The following ZNF146 variants were observed in gnomAD, a reference collection of about 807,000 sequenced individuals.
The protein encoded by ZNF146 is zinc finger protein OZF.
ZNF146 carries 9 observed loss-of-function variants against 22.2 expected under a neutral mutation model. The ratio of observed to expected loss-of-function variants is 0.41; its 90% confidence interval spans 0.24 to 0.71. ZNF146 has a LOEUF of 0.71. ZNF146 is among the 30% of genes least tolerant of loss of function. The pLI is 0.34. For missense variants in ZNF146, 194 were observed against 344.8 expected, an observed-to-expected ratio of 0.56 and a Z score of 3.46; for synonymous variants, 108 against 119.2, an observed-to-expected ratio of 0.91 and a Z score of 0.61.
chr19:36,230,102 C>T (rs1164468101), intron 3 of ZNF146, among the ~76,000 whole-genome samples: 3 of 152,200 alleles, frequency 2.0e-5, no homozygotes, highest in Non-Finnish European at 4.4e-5. Flanking sequence ...AGTGTGTATA[C>T]TTGTTTATAT....
chr19:36,223,487 C>T (rs2145415048), intron 2 of ZNF146, among the ~76,000 whole-genome samples: 1 of 152,116 alleles, frequency 6.6e-6, no homozygotes, highest in African/African-American at 2.4e-5. Context: ...CTCAGCCTCC[C>T]AAGTAGCTGG....
In ZNF146 at chr19:36,218,403, A is replaced by G. The variant is rs140287610; in HGVS notation, c.-855+208A>G. On this transcript the variant is annotated intron_variant, in intron 2 of 3. Transcript: ENST00000443387. ...CAAAAAAAATGCTTCCTCAGAAAAT[A>G]TTATAGTCCTGTGTCTGGTAGGAAT... 3.9e-3 allele frequency among the ~76,000 whole-genome samples: 588 copies of G among 152,186 alleles called. 2 individuals carry two copies. The highest frequency in any genetic ancestry group is 5.8e-3 in the Non-Finnish European group (397 of 67,994).
intron 1 of ZNF146, among the ~76,000 whole-genome samples, chr19:36,217,294 C>A (rs963035075): frequency 6.6e-6 from 1 of 151,554 alleles, no homozygotes; most frequent in Admixed American, 6.6e-5. Context: ...AACTCTTGAC[C>A]TCAAGTGATC....
chr19:36,229,561 G>A (rs1231986405), intron 3 of ZNF146, among the ~76,000 whole-genome samples: 1 of 152,104 alleles, frequency 6.6e-6, no homozygotes, highest in Non-Finnish European at 1.5e-5. Context: ...TATCCTTCTT[G>A]AGGTAACCTA....
chr19:36,229,200 C>T (rs1415252021), intron 3 of ZNF146, among the ~76,000 whole-genome samples: 1 of 152,212 alleles, frequency 6.6e-6, no homozygotes, highest in African/African-American at 2.4e-5. Context: ...TTCTCTCATC[C>T]TTTCTAGTGG....
chr19:36,235,207 CAAAAA>C (rs112972407), intron 3 of ZNF146, among the ~76,000 whole-genome samples: 1 of 121,586 alleles, frequency 8.2e-6, no homozygotes, highest in Non-Finnish European at 1.7e-5. Flanking sequence ...AATTCCGTCT[CAAAAA>C]AAAAAAAAGA....
intron 2 of ZNF146, among the ~76,000 whole-genome samples, chr19:36,224,027 A>G (rs1976971151): frequency 6.6e-6 from 1 of 152,110 alleles, no homozygotes; most frequent in African/African-American, 2.4e-5. Context: ...ATGCTATCAG[A>G]TATGCATCCA....
chr19:36,230,161 G>A (rs1273465830), intron 3 of ZNF146, among the ~76,000 whole-genome samples: 1 of 152,224 alleles, frequency 6.6e-6, no homozygotes, highest in Non-Finnish European at 1.5e-5. Flanking sequence ...TACTTTTTAA[G>A]TGGAATACAG....
intron 1 of ZNF146, among the ~76,000 whole-genome samples, chr19:36,216,421 A>G (rs1461534416): frequency 6.6e-6 from 1 of 152,082 alleles, no homozygotes; most frequent in Non-Finnish European, 1.5e-5. Flanking sequence ...TGGGTGGATT[A>G]CCTGAGATCA....
chr19:36,237,301 G>A lies in ZNF146; in HGVS notation c.861G>A (p.Gln287=), dbSNP rs1284154224. 6.2e-7 allele frequency: 1 copy of A among 1,606,164 alleles called. No homozygotes were observed. The highest frequency in any genetic ancestry group is 1.1e-5 in the South Asian group (1 of 90,100). The change falls in exon 4 of 4, where the codon CAG becomes CAA. Residue 287 remains glutamine (Q), a synonymous_variant. Coordinates refer to ENST00000443387, the MANE Select transcript of ZNF146 (RefSeq NM_007145.3). ...AGAAGTCACACCACATTAGACACCA[G>A]AAAATTCATACTCACTAAAAACCCC... ...FSQKSHHIRH[Q]KIHTH is the part of the protein sequence containing the mutation.
At chr19:36,234,621 T>C (rs1406610472) in intron 3 of ZNF146, among the ~76,000 whole-genome samples, 1 of 152,154 alleles carries the variant, frequency 6.6e-6, no homozygotes, top group Non-Finnish European at 1.5e-5. Flanking sequence ...ATGGTCTTGA[T>C]CTCCTGACCT....
At chr19:36,222,919 A>G (rs1170010298) in intron 2 of ZNF146, among the ~76,000 whole-genome samples, 3 of 150,068 alleles carry the variant, frequency 2.0e-5, no homozygotes, top group Non-Finnish European at 4.4e-5. Context: ...AGCCGTGCTT[A>G]GAATGAGCCC....
chr19:36,220,983 G>T (rs529222025), intron 2 of ZNF146, among the ~76,000 whole-genome samples: 1 of 151,894 alleles, frequency 6.6e-6, no homozygotes, highest in South Asian at 2.1e-4. Flanking sequence ...CTCCTGAGTA[G>T]CTGGGATTAC....
chr19:36,220,732 C>T (rs1363216408), intron 2 of ZNF146, among the ~76,000 whole-genome samples: 1 of 152,048 alleles, frequency 6.6e-6, no homozygotes, highest in Admixed American at 6.6e-5. Flanking sequence ...TTGCTTTATC[C>T]TGCAATATAA....
rs1201150365 is a variant in ZNF146, at chr19:36,236,485, C to G, written c.45C>G (p.Pro15=). The G allele has an allele frequency of 1.9e-6, 3 of 1,613,330 alleles. No homozygotes were observed. In the East Asian group the frequency reaches 6.7e-5, roughly 36 times the overall value. ...SQQRIYSGEN[P]FACKVCGKVF... ...AGAGAATTTACAGTGGGGAAAACCC[C>G]TTTGCCTGTAAGGTATGTGGAAAAG... The change falls in exon 4 of 4, where the codon CCC becomes CCG. Residue 15 remains proline (P), a synonymous_variant. Coordinates refer to ENST00000443387, the MANE Select transcript of ZNF146 (RefSeq NM_007145.3).
chr19:36,215,616 A>G (rs1976568512), intron 1 of ZNF146, among the ~76,000 whole-genome samples: 1 of 152,156 alleles, frequency 6.6e-6, no homozygotes, highest in South Asian at 2.1e-4. Flanking sequence ...TTTTTATATA[A>G]AAGCATTTCT....
chr19:36,233,956 G>A (rs182630875), intron 3 of ZNF146, among the ~76,000 whole-genome samples: 3 of 152,252 alleles, frequency 2.0e-5, no homozygotes, highest in East Asian at 1.9e-4. Flanking sequence ...CCCTTCCCGC[G>A]GGGCCATATT....
upstream of ZNF146, chr19:36,214,799 T>G (rs557358991): frequency 5.2e-5 from 8 of 152,672 alleles, no homozygotes; most frequent in African/African-American, 1.9e-4. Context: ...CGTTTTGACA[T>G]TTTTGCGCCC....
At chr19:36,227,064 CAA>C (rs1173824506) in intron 2 of ZNF146, among the ~76,000 whole-genome samples, 2 of 141,846 alleles carry the variant, frequency 1.4e-5, no homozygotes, top group Non-Finnish European at 3.1e-5. Context: ...GCCTGGGCAA[CAA>C]GAGTAAAACT....
Sources: allele counts gnomAD v4.1 joint callset (sites outside exome capture counted in the v4.1 genomes callset), GRCh38; gene constraint gnomAD v4.1.1; transcripts MANE v1.5; gene names NCBI Gene and HGNC (gene_info 2026-07-23, HGNC 2026-07-21).